The following MCM8 variants were observed in gnomAD, a reference collection of about 807,000 sequenced individuals.
MCM8 encodes minichromosome maintenance 8 homologous recombination repair factor.
Under a neutral mutation model 98.9 loss-of-function variants are expected in MCM8, and 85 were observed. That is an observed-to-expected ratio of 0.86 (90% CI 0.72 to 1.03). MCM8 has a LOEUF of 1.03. MCM8 is among the 50% of genes least tolerant of loss of function. The probability of loss-of-function intolerance (pLI) is 0.00; values close to 1 mark genes in which losing one functional copy is unlikely to be tolerated. For synonymous variants in MCM8, 352 were observed against 338.6 expected, an observed-to-expected ratio of 1.04 and a Z score of -0.44; for missense variants, 951 against 997.8, an observed-to-expected ratio of 0.95 and a Z score of 0.63.
chr20:5,983,186 A>G (rs750861057), intron 14 of MCM8, 21 bp downstream of exon 14: 3 of 1,580,988 alleles, frequency 1.9e-6, no homozygotes, highest in East Asian at 2.3e-5. Flanking sequence ...TCAAATATTT[A>G]TACCTTTAAT....
intron 10 of MCM8, among the ~76,000 whole-genome samples, chr20:5,968,602 C>T (rs1473980229): frequency 6.6e-6 from 1 of 152,156 alleles, no homozygotes; most frequent in African/African-American, 2.4e-5. Context: ...TGGAACATAG[C>T]CACACTCATT....
chr20:5,993,916 A>G, intron 18 of MCM8: 1 of 421,004 alleles, frequency 2.4e-6, no homozygotes. Context: ...TTAACGTTGC[A>G]TCCCTCATCT....
chr20:5,967,815 A>C lies in MCM8; in HGVS notation c.1028-15A>C. 1 of 1,588,892 alleles carries C rather than the reference A, an allele frequency of 6.3e-7. No individual in the cohort carries two copies. Among genetic ancestry groups the C allele is most frequent in the Non-Finnish European group, 8.6e-7 (1 of 1,164,772 alleles). On this transcript the variant is annotated splice_polypyrimidine_tract_variant and intron_variant, in intron 9 of 18. Coordinates refer to ENST00000610722, the MANE Select transcript of MCM8 (RefSeq NM_032485.6). ...GAAAATACCAACTATTGTATTTAAC[A>C]CTTTTAATTTACAGGTTCTCGAAAT...
At chr20:5,993,239 G>T (rs1243069264) in intron 17 of MCM8, among the ~76,000 whole-genome samples, 1 of 152,026 alleles carries the variant, frequency 6.6e-6, no homozygotes, top group South Asian at 2.1e-4. Context: ...TATTTATATT[G>T]TAGTTTATCA....
chr20:5,955,133 T>C lies in MCM8; in HGVS notation c.368T>C (p.Val123Ala). The C allele has an allele frequency of 6.2e-7, 1 of 1,606,080 alleles. No homozygotes were observed. The highest frequency in any genetic ancestry group is 8.5e-7 in the Non-Finnish European group (1 of 1,173,604). ...ATAGAAAGAAAGGGAAGTATTTTGG[T>C]AGATTTTAAAGAACTGACAGAAGGT... ...DEIERKGSIL[V>A]DFKELTEGGE... Residue 123 changes from valine to alanine, a missense_variant, in exon 5 of 19, where the codon GTA (valine) becomes GCA (alanine). Physicochemically the swap from Val to Ala is moderately conservative, Grantham distance 64. Transcript: ENST00000610722.
In MCM8 at chr20:5,973,076, A is replaced by G. The variant is rs1184334549; in HGVS notation, c.1275A>G (p.Ala425=). The G allele has an allele frequency of 3.7e-6, 6 of 1,614,194 alleles. No homozygotes were observed. The highest frequency in any genetic ancestry group is 2.2e-5 in the South Asian group (2 of 91,082). Residue 425 remains alanine, a synonymous_variant, in exon 12 of 19, where the codon GCA becomes GCG. Transcript: ENST00000610722. ...TTGAGCTTGTTAAAGCAGGTTTGGC[A>G]TTAGCACTCTTTGGAGGAAGCCAGA... ...FGHELVKAGL[A]LALFGGSQKY...
chr20:5,984,761 C>A lies in MCM8; in HGVS notation c.1734-20C>A. 1.3e-6 allele frequency: 2 copies of A among 1,563,434 alleles called. No homozygotes were observed. Among genetic ancestry groups the A allele is most frequent in the Non-Finnish European group, 1.8e-6 (2 of 1,140,676 alleles). On this transcript the variant is annotated intron_variant, in intron 14 of 18. Coordinates refer to ENST00000610722, the MANE Select transcript of MCM8 (RefSeq NM_032485.6). ...CTTTTGATTCCAATCATTGTTTCTT[C>A]TTTCTTTCATCCTTCATAGAATGGG...
At position 5,998,084 on chromosome 20, in the gene MCM8, T is replaced by C. The variant is rs191308444; in HGVS notation, c.*3693T>C. ...TTACATTAGCATGTTATAGTTGCTG[T>C]TGTTATACAGAAGAATATTAAACAA... On this transcript the variant is annotated 3_prime_UTR_variant, in exon 19 of 19. Transcript: ENST00000610722. 89 of 152,350 alleles carry C rather than the reference T, an allele frequency of 5.8e-4. No individual in the cohort carries two copies. The highest frequency in any genetic ancestry group is 1.8e-3 in the African/African-American group (76 of 41,572). The allele number at this position is 152,350 out of a possible 1,614,324, so 9.4% of individuals were successfully genotyped here.
At chr20:5,987,143 T>C in intron 16 of MCM8, 139 bp from the exon 17 acceptor site, 1 of 734,004 alleles carries the variant, frequency 1.4e-6, no homozygotes, top group South Asian at 2.0e-5. Flanking sequence ...ATTACTTCCA[T>C]ATTTTGACTT....
At chr20:5,986,283 T>C (rs2089733420) in intron 16 of MCM8, 152 bp downstream of exon 16, 2 of 678,206 alleles carry the variant, frequency 2.9e-6, no homozygotes, top group Admixed American at 5.8e-5. Flanking sequence ...TTTAAAAGAT[T>C]TTGTCATGTC....
intron 15 of MCM8, 130 bp from the exon 16 acceptor site, chr20:5,985,789 GTCC>G (rs1489212898): frequency 1.3e-6 from 1 of 773,632 alleles, no homozygotes; most frequent in Non-Finnish European, 2.1e-6. Flanking sequence ...CAGGTGATGT[GTCC>G]TCCTTGGCCT....
At chr20:5,971,571 T>C (rs1036166506) in intron 10 of MCM8, among the ~76,000 whole-genome samples, 1 of 152,216 alleles carries the variant, frequency 6.6e-6, no homozygotes, top group African/African-American at 2.4e-5. Flanking sequence ...CTGAAAAAAA[T>C]GAAATTTTAT....
At chr20:5,953,985 G>T (rs947050677) in intron 3 of MCM8, among the ~76,000 whole-genome samples, 1 of 152,080 alleles carries the variant, frequency 6.6e-6, no homozygotes, top group Non-Finnish European at 1.5e-5. Context: ...CACTCCCATT[G>T]CTCCCCTAGC....
In MCM8 at chr20:5,993,513, G is replaced by A. The variant is rs759682234; in HGVS notation, c.2248G>A (p.Gly750Arg). The A allele has an allele frequency of 2.6e-6, 4 of 1,549,036 alleles. No individual in the cohort carries two copies. The highest frequency in any genetic ancestry group is 2.5e-5 in the South Asian group (2 of 80,416). Reference protein sequence around the residue: ...IVEIMKYSMLGTYSDEFGNLD... With the variant: ...IVEIMKYSMLRTYSDEFGNLD... ...TCTTCCTTTCTTTTTAAGCATGCTAGGAACTTACTCTGATGAATTTGGGAA... is the reference window on the plus strand; with the variant it reads ...TCTTCCTTTCTTTTTAAGCATGCTAAGAACTTACTCTGATGAATTTGGGAA... Residue 750 changes from glycine (G) to arginine (R), a missense_variant, in exon 18 of 19, where the codon GGA becomes AGA. Gly to Arg is a moderately radical substitution (Grantham distance 125). Coordinates refer to ENST00000610722, the MANE Select transcript of MCM8 (RefSeq NM_032485.6).
At chr20:5,955,295 T>C in intron 5 of MCM8, 44 bp downstream of exon 5, 1 of 1,570,038 alleles carries the variant, frequency 6.4e-7, no homozygotes. Context: ...ACTTTTTTAA[T>C]GTTTGCACAC....
chr20:5,986,763 A>T (rs1185680212), intron 16 of MCM8, among the ~76,000 whole-genome samples: 2 of 152,244 alleles, frequency 1.3e-5, no homozygotes, highest in African/African-American at 4.8e-5. Flanking sequence ...GTTAACAAGT[A>T]AAAATGAGGT....
intron 17 of MCM8, among the ~76,000 whole-genome samples, chr20:5,992,613 A>G (rs1454380061): frequency 6.6e-6 from 1 of 152,146 alleles, no homozygotes; most frequent in East Asian, 1.9e-4. Context: ...GTTTTATTTG[A>G]ATGACTCATT....
rs1052322344 is a variant in MCM8 at position 5,952,433 on chromosome 20, C to T, written c.158C>T (p.Pro53Leu). The change falls in exon 3 of 19, where the codon CCA becomes CTA. Residue 53 changes from proline to leucine, a missense_variant. Coordinates refer to ENST00000610722, the MANE Select transcript of MCM8 (RefSeq NM_032485.6). Reference protein sequence around the residue: ...TTGKRTSEQTPQFLLSTKTPQ... With the variant: ...TTGKRTSEQTLQFLLSTKTPQ... ...ATTTTATTTTTTTCAGAACAAACCC[C>T]ACAGTTTTTGCTTTCAACAAAGACC... 4.3e-6 allele frequency: 7 copies of T among 1,613,762 alleles called. No individual in the cohort carries two copies. Among genetic ancestry groups the T allele is most frequent in the Non-Finnish European group, 5.1e-6 (6 of 1,179,924 alleles).
chr20:5,973,637 T>C (rs1475666610), intron 12 of MCM8, among the ~76,000 whole-genome samples: 2 of 152,164 alleles, frequency 1.3e-5, no homozygotes, highest in Non-Finnish European at 2.9e-5. Context: ...ATATCTCCAC[T>C]GCTTGTGAGT....
Sources: gnomAD v4.1 joint callset for allele counts (sites outside exome capture counted in the v4.1 genomes callset) on GRCh38, gnomAD v4.1.1 for gene constraint, MANE v1.5 for transcripts, NCBI Gene and HGNC (gene_info 2026-07-23, HGNC 2026-07-21) for gene names.